MIAT: variants seen among roughly 807,000 people sequenced by gnomAD.
MIAT encodes myocardial infarction associated transcript.
At chr22:26,670,961 G>GT (rs568998572), downstream of MIAT, 27,076 of 208,596 alleles carry the variant, frequency 0.13, 329 homozygotes, top group Middle Eastern at 0.2. Flanking sequence ...AGCTTGATGC[G>GT]TTTTTTTTTT....
chr22:26,652,499 A>G (rs1430032571), intron 2 of MIAT, among the ~76,000 whole-genome samples: 1 of 152,156 alleles, frequency 6.6e-6, no homozygotes, highest in East Asian at 1.9e-4. Context: ...CTGGGATTAC[A>G]GGCGCCGCCA....
exon 4 of MIAT, chr22:26,665,904 G>A (rs1327451395): frequency 2.5e-6 from 1 of 398,642 alleles, no homozygotes; most frequent in Admixed American, 4.4e-5. Flanking sequence ...TTGTGTACTT[G>A]TAGAACTGCT....
intron 2 of MIAT, among the ~76,000 whole-genome samples, chr22:26,655,054 A>G (rs1353684713): frequency 1.3e-5 from 2 of 152,214 alleles, no homozygotes; most frequent in African/African-American, 2.4e-5. Flanking sequence ...CATTGGTCCC[A>G]CCCTGATAGT....
chr22:26,670,608 A>T, downstream of MIAT: 1 of 321,134 alleles, frequency 3.1e-6, no homozygotes. Flanking sequence ...TCCTTAAAAA[A>T]AAAAAAAAAA....
chr22:26,646,894 C>T (rs1018920999), exon 1 of MIAT: 1 of 398,438 alleles, frequency 2.5e-6, no homozygotes, highest in Non-Finnish European at 4.4e-6. Context: ...TAGATAGGAT[C>T]AAGGTGACAG....
chr22:26,648,850 C>G (rs1930285867), intron 2 of MIAT, among the ~76,000 whole-genome samples: 1 of 151,970 alleles, frequency 6.6e-6, no homozygotes, highest in South Asian at 2.1e-4. Context: ...TATAAGAACT[C>G]TAGGTCTTGT....
chr22:26,674,640 G>A (rs1931194272), downstream of MIAT: 1 of 398,600 alleles, frequency 2.5e-6, no homozygotes, highest in African/African-American at 2.1e-5. Flanking sequence ...GGGCACAAGA[G>A]AGAAAAGATG....
At chr22:26,661,939 T>TCC (rs1470339896) in intron 2 of MIAT, among the ~76,000 whole-genome samples, 1 of 36,242 alleles carries the variant, frequency 2.8e-5, no homozygotes. Context: ...TATATATATA[T>TCC]ATATATATAT....
intron 2 of MIAT, chr22:26,663,275 A>G: frequency 2.5e-6 from 1 of 398,520 alleles, no homozygotes; most frequent in Non-Finnish European, 4.4e-6. Flanking sequence ...ATGGGTATGT[A>G]TTTATTCTCT....
chr22:26,660,344 C>T (rs1930619420), intron 2 of MIAT, among the ~76,000 whole-genome samples: 1 of 151,064 alleles, frequency 6.6e-6, no homozygotes, highest in East Asian at 2.0e-4. Flanking sequence ...TGGCATGTGC[C>T]TATAGCCCAG....
downstream of MIAT, chr22:26,672,985 A>G (rs1190992988): frequency 2.5e-6 from 1 of 398,386 alleles, no homozygotes; most frequent in Non-Finnish European, 4.4e-6. Flanking sequence ...GGTTTCCCCC[A>G]CCGTAAGTAG....
At chr22:26,659,481 C>T (rs1282341249) in intron 2 of MIAT, among the ~76,000 whole-genome samples, 1 of 152,102 alleles carries the variant, frequency 6.6e-6, no homozygotes, top group African/African-American at 2.4e-5. Flanking sequence ...CACAGTCCCC[C>T]AAAACAACCA....
At chr22:26,674,342 G>A (rs1003541273), downstream of MIAT, 8 of 398,640 alleles carry the variant, frequency 2.0e-5, no homozygotes, top group African/African-American at 4.1e-5. Flanking sequence ...GGGAGCATAC[G>A]CAAGGGATTC....
chr22:26,668,091 T>TG (rs1930916591), intron 5 of MIAT: 4 of 398,026 alleles, frequency 1.0e-5, no homozygotes, highest in African/African-American at 6.2e-5. Context: ...AGAATTAGGC[T>TG]GGGGGGATGT....
chr22:26,675,275 A>C (rs1931218630), exon 5 of MIAT: 1 of 398,734 alleles, frequency 2.5e-6, no homozygotes, highest in East Asian at 3.6e-5. Flanking sequence ...ATCAGAGAGG[A>C]TCCAAAGAGG....
At chr22:26,674,102 G>C, downstream of MIAT, 1 of 398,588 alleles carries the variant, frequency 2.5e-6, no homozygotes, top group South Asian at 1.3e-4. Flanking sequence ...TTTGTGTTTT[G>C]GAAGTTCTAG....
At chr22:26,652,517 C>T (rs1015858369) in intron 2 of MIAT, among the ~76,000 whole-genome samples, 19 of 151,990 alleles carry the variant, frequency 1.3e-4, no homozygotes, top group Admixed American at 1.1e-3. Context: ...CCACCATGAC[C>T]GGCTAATTTT....
At chr22:26,648,266 T>C (rs1569216619) in intron 2 of MIAT, among the ~76,000 whole-genome samples, 1 of 152,080 alleles carries the variant, frequency 6.6e-6, no homozygotes, top group Non-Finnish European at 1.5e-5. Context: ...TGCAGATGGA[T>C]GAGAGCAACA....
intron 2 of MIAT, chr22:26,660,868 A>C (rs1930638017): frequency 6.6e-6 from 1 of 152,158 alleles, no homozygotes; most frequent in Non-Finnish European, 1.5e-5. Flanking sequence ...TCAGGGAGTA[A>C]TCTCCCTTTT....
Sources: allele counts gnomAD v4.1 joint callset (sites outside exome capture counted in the v4.1 genomes callset), GRCh38; gene constraint gnomAD v4.1.1; transcripts MANE v1.5; gene names NCBI Gene and HGNC (gene_info 2026-07-23, HGNC 2026-07-21).